The following COX7B2 variants were observed in gnomAD, a reference collection of about 807,000 sequenced individuals.
COX7B2 encodes cytochrome c oxidase subunit 7B2, also known as cytochrome c oxidase subunit 7B2, mitochondrial.
For missense variants in COX7B2, 109 were observed against 95.9 expected, an observed-to-expected ratio of 1.14 and a Z score of -0.57; for synonymous variants, 37 against 32.1, an observed-to-expected ratio of 1.15 and a Z score of -0.51.
At chr4:46,877,492 G>C (rs1718420050) in intron 1 of COX7B2, among the ~76,000 whole-genome samples, 1 of 151,928 alleles carries the variant, frequency 6.6e-6, no homozygotes, top group Non-Finnish European at 1.5e-5. Context: ...TATAGATCCT[G>C]GTATAGTTAT....
intron 1 of COX7B2, among the ~76,000 whole-genome samples, chr4:46,847,515 C>G (rs922836558): frequency 1.3e-5 from 2 of 152,054 alleles, no homozygotes; most frequent in Non-Finnish European, 2.9e-5. Context: ...CTGACTGCAG[C>G]CTTGCAGAAG....
chr4:46,850,079 A>AAGCAAAAATAAG lies in COX7B2; in HGVS notation c.-104-5066_-104-5065insCTTATTTTTGCT, dbSNP rs548757806. On this transcript the variant is annotated intron_variant, in intron 1 of 2. Coordinates refer to ENST00000355591, the MANE Select transcript of COX7B2 (RefSeq NM_130902.3). ...ATTTATTACAAGGATGATTATACTA[A>AAGCAAAAATAAG]AGCATGTGTCTTCCTTAATGGTCTT... Among the ~76,000 whole-genome samples the AAGCAAAAATAAG allele has an allele frequency of 7.2e-3, 1,097 of 151,912 alleles. 15 individuals are homozygous for AAGCAAAAATAAG. The highest frequency in any genetic ancestry group is 0.026 in the African/African-American group (1,057 of 41,366).
chr4:46,831,017 C>T (rs990912112), intron 2 of COX7B2, among the ~76,000 whole-genome samples: 23 of 152,314 alleles, frequency 1.5e-4, no homozygotes, highest in African/African-American at 5.3e-4. Flanking sequence ...AGCCGGCTCC[C>T]TCAGCCTGTG....
chr4:46,766,067 C>T (rs1023250010), intron 2 of COX7B2, among the ~76,000 whole-genome samples: 3 of 152,182 alleles, frequency 2.0e-5, no homozygotes, highest in African/African-American at 7.2e-5. Flanking sequence ...AGCACTCAGC[C>T]AGACCCTGTT....
At chr4:46,755,417 G>A (rs1715726925) in intron 2 of COX7B2, among the ~76,000 whole-genome samples, 1 of 151,878 alleles carries the variant, frequency 6.6e-6, no homozygotes, top group South Asian at 2.1e-4. Flanking sequence ...AGAAAATGAT[G>A]CCCACTTTCA....
intron 1 of COX7B2, among the ~76,000 whole-genome samples, chr4:46,886,924 A>G (rs1177647802): frequency 6.6e-6 from 1 of 152,228 alleles, no homozygotes; most frequent in Non-Finnish European, 1.5e-5. Flanking sequence ...CACCTACTGG[A>G]CAGACTGTTA....
At position 46,890,928 on chromosome 4, in the gene COX7B2, A is replaced by G. The variant is rs56914998; in HGVS notation, c.-105+18232T>C. ...TCTTTCTGGTCATGTGTAAAACATAACTAAATGGAGGCAAGACGAAATGCA... is the reference window on the plus strand; with the variant it reads ...TCTTTCTGGTCATGTGTAAAACATAGCTAAATGGAGGCAAGACGAAATGCA... On this transcript the variant is annotated intron_variant, in intron 1 of 2. Transcript: ENST00000355591. 1.8e-3 allele frequency among the ~76,000 whole-genome samples: 277 copies of G among 152,306 alleles called. 2 individuals are homozygous for G. Among genetic ancestry groups the G allele is most frequent in the African/African-American group, 6.1e-3 (252 of 41,576 alleles).
intron 2 of COX7B2, among the ~76,000 whole-genome samples, chr4:46,793,181 G>A (rs948283588): frequency 1.3e-5 from 2 of 152,138 alleles, no homozygotes; most frequent in African/African-American, 2.4e-5. Flanking sequence ...TCCTGTTTAC[G>A]GGAGAAGTTT....
chr4:46,803,061 T>C (rs1718744773), intron 2 of COX7B2, among the ~76,000 whole-genome samples: 1 of 152,212 alleles, frequency 6.6e-6, no homozygotes, highest in South Asian at 2.1e-4. Flanking sequence ...GTATCTGTGA[T>C]AAATATTTTT....
chr4:46,801,564 T>G (rs1241982159), intron 2 of COX7B2, among the ~76,000 whole-genome samples: 1 of 152,064 alleles, frequency 6.6e-6, no homozygotes, highest in Non-Finnish European at 1.5e-5. Context: ...AGGACCTACT[T>G]GAAGGGAGAG....
chr4:46,879,334 T>C (rs1410875762), intron 1 of COX7B2, among the ~76,000 whole-genome samples: 2 of 152,088 alleles, frequency 1.3e-5, no homozygotes, highest in African/African-American at 4.8e-5. Flanking sequence ...TTTTTTCTTT[T>C]TGAGACACGG....
chr4:46,850,002 TG>T (rs1426992205), intron 1 of COX7B2, among the ~76,000 whole-genome samples: 6 of 152,014 alleles, frequency 3.9e-5, no homozygotes, highest in Non-Finnish European at 5.9e-5. Context: ...AACTAAAAGA[TG>T]TTTTTTTTAT....
chr4:46,814,465 T>C (rs1308712426), intron 2 of COX7B2, among the ~76,000 whole-genome samples: 1 of 152,210 alleles, frequency 6.6e-6, no homozygotes, highest in Non-Finnish European at 1.5e-5. Context: ...TTACTAACTG[T>C]ATAGTCAACC....
chr4:46,786,444 A>G (rs1717756790), intron 2 of COX7B2, among the ~76,000 whole-genome samples: 1 of 152,190 alleles, frequency 6.6e-6, no homozygotes, highest in Admixed American at 6.5e-5. Context: ...TGATGGGCAC[A>G]AATGTAGCTA....
At chr4:46,880,412 C>CTTTTTTTTTT in intron 1 of COX7B2, among the ~76,000 whole-genome samples, 1 of 85,608 alleles carries the variant, frequency 1.2e-5, no homozygotes, top group Non-Finnish European at 2.2e-5. Flanking sequence ...AGGTCCTGGG[C>CTTTTTTTTTT]TTTTTTTTTT....
intron 1 of COX7B2, among the ~76,000 whole-genome samples, chr4:46,898,651 C>T (rs1259290018): frequency 6.6e-6 from 1 of 152,108 alleles, no homozygotes; most frequent in Non-Finnish European, 1.5e-5. Context: ...TCTCAAACTC[C>T]TGGGCCCAAG....
intron 2 of COX7B2, among the ~76,000 whole-genome samples, chr4:46,843,760 G>C (rs189062672): frequency 1.3e-5 from 2 of 151,978 alleles, no homozygotes; most frequent in Admixed American, 1.3e-4. Context: ...AGACAATTAG[G>C]GAAAATAATT....
chr4:46,779,271 G>C (rs1717316054), intron 2 of COX7B2, among the ~76,000 whole-genome samples: 1 of 152,178 alleles, frequency 6.6e-6, no homozygotes, highest in Non-Finnish European at 1.5e-5. Flanking sequence ...AGATCACACA[G>C]TATTTTTCTT....
At chr4:46,812,856 A>C (rs1719356704) in intron 2 of COX7B2, among the ~76,000 whole-genome samples, 1 of 152,178 alleles carries the variant, frequency 6.6e-6, no homozygotes, top group Non-Finnish European at 1.5e-5. Flanking sequence ...GGCATCAACT[A>C]TGATGCTTAG....
Sources: gnomAD v4.1 joint callset for allele counts (sites outside exome capture counted in the v4.1 genomes callset) on GRCh38, gnomAD v4.1.1 for gene constraint, MANE v1.5 for transcripts, NCBI Gene and HGNC (gene_info 2026-07-23, HGNC 2026-07-21) for gene names.